The following HCN1 variants were observed in gnomAD, a reference collection of about 807,000 sequenced individuals.
HCN1 encodes hyperpolarization activated cyclic nucleotide gated potassium channel 1.
HCN1 carries 13 observed loss-of-function variants against 78.9 expected under a neutral mutation model. That is an observed-to-expected ratio of 0.16 (90% CI 0.11 to 0.26). HCN1 has a LOEUF of 0.26. Among genes scored for constraint, HCN1 ranks in the 10% least tolerant of loss-of-function variants. HCN1 has a pLI of 1.00. For missense variants in HCN1, 810 were observed against 1,154.3 expected (o/e 0.70, Z 4.32); for synonymous variants, 552 against 455.5 (o/e 1.21, Z -2.70).
intron 3 of HCN1, among the ~76,000 whole-genome samples, chr5:45,425,628 A>G (rs1191422885): frequency 6.6e-6 from 1 of 152,228 alleles, no homozygotes; most frequent in Non-Finnish European, 1.5e-5. Flanking sequence ...TACTTTGTAA[A>G]GGACTAAGTA....
chr5:45,453,297 A>C (rs903501889), intron 3 of HCN1, among the ~76,000 whole-genome samples: 1 of 152,082 alleles, frequency 6.6e-6, no homozygotes, highest in Non-Finnish European at 1.5e-5. Flanking sequence ...ATTGAAGACA[A>C]TGTTACTATT....
chr5:45,388,460 CAAG>C (rs1747972491), intron 4 of HCN1, among the ~76,000 whole-genome samples: 1 of 152,138 alleles, frequency 6.6e-6, no homozygotes, highest in South Asian at 2.1e-4. Context: ...AACATGCAGA[CAAG>C]AACAATACCC....
chr5:45,455,872 C>T (rs887254976), intron 3 of HCN1, among the ~76,000 whole-genome samples: 1 of 150,920 alleles, frequency 6.6e-6, no homozygotes, highest in Admixed American at 6.6e-5. Flanking sequence ...TAATTAATAG[C>T]ACAGACAGGT....
intron 7 of HCN1, 54 bp from the exon 8 acceptor site, chr5:45,262,864 A>G (rs1744778516): frequency 1.9e-6 from 3 of 1,595,272 alleles, no homozygotes; most frequent in Non-Finnish European, 2.6e-6. Context: ...ACTGATGACA[A>G]CGCCAAGTGA....
chr5:45,464,052 C>T (rs1741220449), intron 2 of HCN1, among the ~76,000 whole-genome samples: 1 of 152,080 alleles, frequency 6.6e-6, no homozygotes, highest in Admixed American at 6.6e-5. Flanking sequence ...AGAGAACTAG[C>T]ATCGATTCTT....
chr5:45,294,150 G>C (rs536890113), intron 6 of HCN1, among the ~76,000 whole-genome samples: 7 of 151,972 alleles, frequency 4.6e-5, no homozygotes, highest in African/African-American at 1.4e-4. Context: ...TAGAAGTAGA[G>C]TAAATTGCCA....
chr5:45,529,232 C>T (rs1048383214), intron 2 of HCN1, among the ~76,000 whole-genome samples: 8 of 151,914 alleles, frequency 5.3e-5, no homozygotes, highest in African/African-American at 1.7e-4. Context: ...TACACACTAA[C>T]TAAAAATAAA....
chr5:45,308,052 A>C (rs962259440), intron 5 of HCN1, among the ~76,000 whole-genome samples: 21 of 152,088 alleles, frequency 1.4e-4, no homozygotes, highest in Non-Finnish European at 7.4e-5. Flanking sequence ...ACCCACATGA[A>C]TGATTTGGTG....
intron 1 of HCN1, 150 bp from the exon 2 acceptor site, chr5:45,645,758 C>T: frequency 1.8e-6 from 1 of 553,090 alleles, no homozygotes. Context: ...CCTTAAATGG[C>T]TATATGTTTA....
chr5:45,317,580 A>G (rs949915116), intron 5 of HCN1, among the ~76,000 whole-genome samples: 1 of 152,268 alleles, frequency 6.6e-6, no homozygotes, highest in South Asian at 2.1e-4. Flanking sequence ...TAATTAAACT[A>G]AAGAGCTTCT....
chr5:45,286,606 C>A (rs79881187), intron 6 of HCN1, among the ~76,000 whole-genome samples: 1 of 151,910 alleles, frequency 6.6e-6, no homozygotes, highest in Non-Finnish European at 1.5e-5. Context: ...TTATTGTCAG[C>A]GACTATCAAC....
intron 2 of HCN1, among the ~76,000 whole-genome samples, chr5:45,566,711 T>A (rs1292767100): frequency 6.6e-6 from 1 of 152,196 alleles, no homozygotes; most frequent in East Asian, 1.9e-4. Flanking sequence ...CTACAGGTCC[T>A]CATACGTAAG....
At chr5:45,264,992 C>T (rs1040101206) in intron 7 of HCN1, among the ~76,000 whole-genome samples, 76 of 152,120 alleles carry the variant, frequency 5.0e-4, no homozygotes, top group African/African-American at 1.8e-3. Context: ...AGGTCAAGAC[C>T]GTCCTGGCCA....
intron 5 of HCN1, among the ~76,000 whole-genome samples, chr5:45,313,899 C>T (rs1324591266): frequency 6.6e-6 from 1 of 152,104 alleles, no homozygotes; most frequent in Non-Finnish European, 1.5e-5. Flanking sequence ...GATTGGTGTA[C>T]CTGAAAGTGA....
At chr5:45,280,122 C>CA (rs1023573382) in intron 6 of HCN1, among the ~76,000 whole-genome samples, 3 of 151,958 alleles carry the variant, frequency 2.0e-5, no homozygotes, top group African/African-American at 7.2e-5. Context: ...CAACTAAAAA[C>CA]AAAAAAGAAT....
intron 2 of HCN1, among the ~76,000 whole-genome samples, chr5:45,608,357 ATGTGTGTGTGTGTGTGTG>A (rs397970171): frequency 1.4e-5 from 2 of 140,410 alleles, no homozygotes; most frequent in African/African-American, 5.3e-5. Context: ...GGATGGGTGT[ATGTGTGTGTGTGTGTGTG>A]TGTGTGTGTG....
intron 2 of HCN1, among the ~76,000 whole-genome samples, chr5:45,632,126 T>A (rs1745279416): frequency 6.6e-6 from 1 of 152,028 alleles, no homozygotes; most frequent in African/African-American, 2.4e-5. Flanking sequence ...TAGCAATTAA[T>A]AAAAACATAA....
Position 45,386,639 on chromosome 5 carries a change from T to C in HCN1, c.1230+9853A>G, listed in dbSNP as rs187755281. Reference sequence around the variant, plus strand: ...GCTCCAAATATGCAAGTTATTTCTGTAAATAACTAAAAAATTGTTCAGTGC... The same window carrying C: ...GCTCCAAATATGCAAGTTATTTCTGCAAATAACTAAAAAATTGTTCAGTGC... On this transcript the variant is annotated intron_variant, in intron 4 of 7. Transcript: ENST00000303230. Among the ~76,000 whole-genome samples, 304 of 152,244 alleles carry C rather than the reference T, an allele frequency of 2.0e-3. 1 individual carries two copies. The highest frequency in any genetic ancestry group is 3.4e-3 in the Non-Finnish European group (229 of 68,004).
At chr5:45,420,615 T>G (rs1740207924) in intron 3 of HCN1, among the ~76,000 whole-genome samples, 1 of 152,186 alleles carries the variant, frequency 6.6e-6, no homozygotes, top group South Asian at 2.1e-4. Flanking sequence ...ACTTATTTCC[T>G]GAGAGAGCTT....
Sources: gnomAD v4.1 joint callset for allele counts (sites outside exome capture counted in the v4.1 genomes callset) on GRCh38, gnomAD v4.1.1 for gene constraint, MANE v1.5 for transcripts, NCBI Gene and HGNC (gene_info 2026-07-23, HGNC 2026-07-21) for gene names.